Variants in NTN1 observed in about 807,000 individuals in gnomAD.
NTN1 encodes the protein netrin 1.
In NTN1, 11 loss-of-function variants were observed where a neutral mutation model predicts 54.2. That is an observed-to-expected ratio of 0.20 (90% CI 0.13 to 0.34). The LOEUF is 0.34. Among genes scored for constraint, NTN1 ranks in the 10% least tolerant of loss-of-function variants. The pLI is 1.00. For synonymous variants in NTN1, 371 were observed against 382.0 expected (o/e 0.97, Z 0.33); for missense variants, 740 against 893.1 (o/e 0.83, Z 2.18).
At chr17:9,225,684 G>A (rs1253815112) in intron 6 of NTN1, among the ~76,000 whole-genome samples, 1 of 150,030 alleles carries the variant, frequency 6.7e-6, no homozygotes, top group African/African-American at 2.5e-5. Context: ...TCTGGCCTGG[G>A]GATGAGAGAG....
intron 2 of NTN1, among the ~76,000 whole-genome samples, chr17:9,074,705 CA>C (rs1319145441): frequency 1.3e-5 from 2 of 152,274 alleles, no homozygotes; most frequent in Non-Finnish European, 2.9e-5. Flanking sequence ...AGTTTTTATC[CA>C]AAGACAACAT....
At chr17:9,133,620 G>C (rs1276564785) in intron 2 of NTN1, among the ~76,000 whole-genome samples, 4 of 134,984 alleles carry the variant, frequency 3.0e-5, no homozygotes, top group African/African-American at 1.1e-4. Flanking sequence ...ACAGAGTCTT[G>C]CTCTGTCGCC....
In NTN1 at chr17:9,147,988, C is replaced by T. The variant is rs545650213; in HGVS notation, c.1019-14825C>T. On this transcript the variant is annotated intron_variant, in intron 2 of 6. Transcript: ENST00000173229. ...CACTCTGGCCATACTTGCCTTCCTC[C>T]CCCTTGTGTCTCCTGGAACTGGAGT... 2.0e-4 allele frequency among the ~76,000 whole-genome samples: 30 copies of T among 152,266 alleles called. No homozygotes were observed. The South Asian group carries it at 5.8e-3, about 29-fold the overall frequency.
intron 2 of NTN1, among the ~76,000 whole-genome samples, chr17:9,143,033 G>A (rs547169321): frequency 6.6e-6 from 1 of 152,292 alleles, no homozygotes; most frequent in East Asian, 1.9e-4. Context: ...GGCAGGCCTC[G>A]CTGGGAAGTG....
chr17:9,062,128 G>A (rs201532496), intron 2 of NTN1, among the ~76,000 whole-genome samples: 6 of 152,246 alleles, frequency 3.9e-5, no homozygotes, highest in African/African-American at 1.2e-4. Context: ...TTGCATCTCA[G>A]TAGATTTTTA....
rs1384522729 is a variant in NTN1, at chr17:9,229,009, AGT to A, written c.1486+7771_1486+7772del. Among the ~76,000 whole-genome samples, 81 of 92,770 alleles carry A rather than the reference AGT, an allele frequency of 8.7e-4. 1 individual carries two copies. Among genetic ancestry groups the A allele is most frequent in the Admixed American group, 4.2e-3 (34 of 8,124 alleles). 60.9% of individuals were successfully genotyped at this position (92,770 alleles called of 152,430 possible). ...GTGTGTGACTGATTCTGTGACTGTA[AGT>A]GTGACTGTGTGAGACTGTGTGACTG... On this transcript the variant is annotated intron_variant, in intron 6 of 6. Transcript: ENST00000173229.
chr17:9,050,668 CAAAAAAAA>C (rs11302328), intron 2 of NTN1, among the ~76,000 whole-genome samples: 1 of 58,672 alleles, frequency 1.7e-5, no homozygotes, highest in Non-Finnish European at 3.3e-5. Context: ...GACTCCATCT[CAAAAAAAA>C]AAAAAAAAAA....
chr17:9,153,243 T>C (rs2092332745), intron 2 of NTN1, among the ~76,000 whole-genome samples: 1 of 151,810 alleles, frequency 6.6e-6, no homozygotes, highest in Non-Finnish European at 1.5e-5. Context: ...GGTCAGGAGT[T>C]TGAGATCATT....
intron 2 of NTN1, among the ~76,000 whole-genome samples, chr17:9,105,526 G>A (rs2092162879): frequency 6.6e-6 from 1 of 152,184 alleles, no homozygotes; most frequent in African/African-American, 2.4e-5. Context: ...CAAAACGTGG[G>A]CGTTCTTCAG....
At chr17:9,160,615 T>TC (rs1342987027) in intron 2 of NTN1, among the ~76,000 whole-genome samples, 1 of 152,210 alleles carries the variant, frequency 6.6e-6, no homozygotes, top group Non-Finnish European at 1.5e-5. Flanking sequence ...AGGAGTGTGT[T>TC]CCTTTCTCTT....
chr17:9,015,515 T>A, the NTN1 span, among the ~76,000 whole-genome samples: 1 of 152,094 alleles, frequency 6.6e-6, no homozygotes, highest in East Asian at 1.9e-4. Context: ...AAGCCTTTGT[T>A]CTCTTCTTGT....
the NTN1 span, among the ~76,000 whole-genome samples, chr17:9,007,479 A>G: frequency 1.0e-5 from 1 of 97,806 alleles, no homozygotes; most frequent in Non-Finnish European, 2.0e-5. Context: ...TCTTTCATTC[A>G]TTCATTCTTT....
chr17:9,076,897 C>T (rs953593354), intron 2 of NTN1, among the ~76,000 whole-genome samples: 2 of 152,238 alleles, frequency 1.3e-5, no homozygotes, highest in Non-Finnish European at 1.5e-5. Flanking sequence ...GCCCCTGCCT[C>T]CTGGCTCCAC....
At chr17:9,215,201 G>T (rs1218960665) in intron 5 of NTN1, among the ~76,000 whole-genome samples, 1 of 150,636 alleles carries the variant, frequency 6.6e-6, no homozygotes, top group East Asian at 2.0e-4. Context: ...AATATGATCT[G>T]AAGTTTCAAA....
intron 2 of NTN1, among the ~76,000 whole-genome samples, chr17:9,037,635 C>T (rs1249332548): frequency 2.0e-5 from 3 of 152,136 alleles, no homozygotes; most frequent in Admixed American, 6.5e-5. Flanking sequence ...TTTTCTCCCT[C>T]ACTGAGGACT....
At position 9,022,878 on chromosome 17, in the gene NTN1, C is replaced by T; in HGVS notation, c.505C>T (p.Arg169Cys). The T allele has an allele frequency of 6.2e-7, 1 of 1,612,178 alleles. No homozygotes were observed. The highest frequency in any genetic ancestry group is 8.5e-7 in the Non-Finnish European group (1 of 1,179,886). The change falls in exon 2 of 7, where the codon CGC becomes TGC. Residue 169 changes from arginine (R) to cysteine (C), a missense_variant. Coordinates refer to ENST00000173229, the MANE Select transcript of NTN1 (RefSeq NM_004822.3). The stretch of plus-strand genomic sequence containing the variant: ...CATCTACAAGTCCATGGACTACGGG[C>T]GCACGTGGGTGCCCTTCCAGTTCTA... ...MAIYKSMDYG[R>C]TWVPFQFYST...
At chr17:9,115,717 C>G (rs924612329) in intron 2 of NTN1, among the ~76,000 whole-genome samples, 1 of 152,246 alleles carries the variant, frequency 6.6e-6, no homozygotes, top group Non-Finnish European at 1.5e-5. Context: ...TTCCCGGGGC[C>G]GCAGCCCCCA....
At chr17:9,027,082 T>C (rs567651785) in intron 2 of NTN1, among the ~76,000 whole-genome samples, 1 of 152,200 alleles carries the variant, frequency 6.6e-6, no homozygotes, top group Non-Finnish European at 1.5e-5. Flanking sequence ...CCCTCATTCA[T>C]CCCTGGCAAG....
chr17:9,085,372 CT>C (rs2092086908), intron 2 of NTN1, among the ~76,000 whole-genome samples: 1 of 152,192 alleles, frequency 6.6e-6, no homozygotes, highest in Non-Finnish European at 1.5e-5. Context: ...GAGCAATTTC[CT>C]TTAAGGAAGT....
Sources: gnomAD v4.1 joint callset for allele counts (sites outside exome capture counted in the v4.1 genomes callset) on GRCh38, gnomAD v4.1.1 for gene constraint, MANE v1.5 for transcripts, NCBI Gene and HGNC (gene_info 2026-07-23, HGNC 2026-07-21) for gene names.